Variants in CMSS1 observed in about 807,000 individuals in gnomAD.
CMSS1 encodes protein CMSS1.
In CMSS1, 33 loss-of-function variants were observed where a neutral mutation model predicts 43.5. The ratio of observed to expected loss-of-function variants is 0.76; its 90% CI spans 0.57 to 1.01. CMSS1 has a LOEUF of 1.01. CMSS1 is among the 50% of genes least tolerant of loss of function. The pLI is 0.00. For missense variants in CMSS1, 313 were observed against 326.4 expected (o/e 0.96, Z 0.32); for synonymous variants, 115 against 117.2 (o/e 0.98, Z 0.12).
chr3:100,029,937 C>T (rs574057938), intron 1 of CMSS1, among the ~76,000 whole-genome samples: 3 of 152,072 alleles, frequency 2.0e-5, no homozygotes, highest in Admixed American at 2.0e-4. Context: ...TTAGAAGCAG[C>T]CCAGGTGTGA....
At chr3:99,892,083 T>TA (rs1706100471) in intron 1 of CMSS1, among the ~76,000 whole-genome samples, 1 of 152,244 alleles carries the variant, frequency 6.6e-6, no homozygotes, top group Non-Finnish European at 1.5e-5. Flanking sequence ...GAGCTTCTGC[T>TA]ATGCTTTTAC....
chr3:99,885,838 A>G (rs1705877766), intron 1 of CMSS1, among the ~76,000 whole-genome samples: 1 of 152,172 alleles, frequency 6.6e-6, no homozygotes. Context: ...TACTACAACA[A>G]CAAGAAATGA....
intron 1 of CMSS1, among the ~76,000 whole-genome samples, chr3:99,929,679 A>G (rs1707413463): frequency 1.3e-5 from 2 of 152,186 alleles, no homozygotes; most frequent in Admixed American, 6.5e-5. Flanking sequence ...CATCCTGTCT[A>G]TGGTTCATTC....
At chr3:99,841,397 G>A (rs555791124) in intron 1 of CMSS1, among the ~76,000 whole-genome samples, 2 of 152,106 alleles carry the variant, frequency 1.3e-5, no homozygotes, top group African/African-American at 2.4e-5. Context: ...GCCTTTTGCC[G>A]GAACAGCAGA....
intron 1 of CMSS1, among the ~76,000 whole-genome samples, chr3:99,977,945 A>G (rs1709018608): frequency 6.6e-6 from 1 of 152,190 alleles, no homozygotes; most frequent in South Asian, 2.1e-4. Flanking sequence ...AAATAGAAAC[A>G]GGCCAAAATT....
intron 1 of CMSS1, among the ~76,000 whole-genome samples, chr3:99,876,867 G>GA (rs1001540466): frequency 6.6e-6 from 1 of 151,908 alleles, no homozygotes; most frequent in Non-Finnish European, 1.5e-5. Context: ...TTTTGGCAGG[G>GA]AAAAAATTTT....
At chr3:99,848,620 G>T in intron 1 of CMSS1, 1 of 1,614,162 alleles carries the variant, frequency 6.2e-7, no homozygotes, top group Non-Finnish European at 8.5e-7. Context: ...TGGTTCTGGG[G>T]AGCGTCCCTG....
Position 100,181,008 on chromosome 3 carries a change from AAG to A in CMSS1, c.*2625_*2626del, listed in dbSNP as rs1379952380. ...GGATGCAACCACATCTTGTGGCAACAAGAGAGCAAGAGAGTGAAGGGGGAAGT... is the reference window on the plus strand; with the variant it reads ...GGATGCAACCACATCTTGTGGCAACAAGAGCAAGAGAGTGAAGGGGGAAGT... On this transcript the variant is annotated 3_prime_UTR_variant, in exon 10 of 10. Transcript: ENST00000421999. 6.6e-6 allele frequency: 1 copy of A among 152,320 alleles called. No individual in the cohort carries two copies. Among genetic ancestry groups the A allele is most frequent in the Non-Finnish European group, 1.5e-5 (1 of 68,122 alleles). 9.4% of individuals were successfully genotyped at this position (152,320 alleles called of 1,614,324 possible). A position where few individuals can be genotyped will look rare whatever the true frequency, so the allele number is the denominator to read the frequency against.
chr3:100,088,965 A>C (rs1360137391), intron 1 of CMSS1, among the ~76,000 whole-genome samples: 1 of 152,136 alleles, frequency 6.6e-6, no homozygotes, highest in East Asian at 1.9e-4. Flanking sequence ...CACTGTTTGC[A>C]TGTACTTGAA....
At chr3:100,124,414 T>C (rs2066646627) in intron 1 of CMSS1, among the ~76,000 whole-genome samples, 2 of 152,236 alleles carry the variant, frequency 1.3e-5, no homozygotes, top group Admixed American at 6.5e-5. Context: ...CATCAGTGTT[T>C]CCCTTGTTTT....
At chr3:100,071,488 A>C (rs7620228) in intron 1 of CMSS1, among the ~76,000 whole-genome samples, 27,638 of 152,058 alleles carry the variant, frequency 0.18, 2,902 homozygotes, top group South Asian at 0.25. Flanking sequence ...CTGGATTTCA[A>C]AGCATTCACT....
intron 2 of CMSS1, among the ~76,000 whole-genome samples, chr3:100,149,711 C>T (rs1343065865): frequency 6.6e-6 from 1 of 152,170 alleles, no homozygotes; most frequent in Non-Finnish European, 1.5e-5. Flanking sequence ...AGGAGACTCA[C>T]CTCGAGGACA....
chr3:99,980,089 A>G (rs531673569), intron 1 of CMSS1, among the ~76,000 whole-genome samples: 2 of 152,302 alleles, frequency 1.3e-5, no homozygotes, highest in South Asian at 4.1e-4. Context: ...TGCCTTAGAA[A>G]TGATGAGAAG....
intron 1 of CMSS1, among the ~76,000 whole-genome samples, chr3:100,084,681 G>T (rs540885770): frequency 6.6e-6 from 1 of 152,150 alleles, no homozygotes; most frequent in Non-Finnish European, 1.5e-5. Flanking sequence ...TGTCACTTAC[G>T]TATAAACATG....
At chr3:99,846,465 A>T (rs932911453) in intron 1 of CMSS1, among the ~76,000 whole-genome samples, 1 of 152,244 alleles carries the variant, frequency 6.6e-6, no homozygotes, top group Admixed American at 6.5e-5. Flanking sequence ...TAAGTTTGCC[A>T]TTCCTTCTAG....
intron 1 of CMSS1, among the ~76,000 whole-genome samples, chr3:99,901,776 A>C (rs1212113899): frequency 6.6e-6 from 1 of 152,120 alleles, no homozygotes; most frequent in African/African-American, 2.4e-5. Context: ...TATCTTGTTG[A>C]TAAATAGCAC....
At chr3:100,064,654 A>T (rs925380879) in intron 1 of CMSS1, among the ~76,000 whole-genome samples, 2 of 152,120 alleles carry the variant, frequency 1.3e-5, no homozygotes, top group African/African-American at 4.8e-5. Context: ...ATGCTTACAG[A>T]CCTAATGGAA....
At chr3:99,908,305 G>C (rs114761991) in intron 1 of CMSS1, among the ~76,000 whole-genome samples, 1,765 of 152,316 alleles carry the variant, frequency 0.012, 19 homozygotes, top group African/African-American at 0.026. Context: ...ATTTTCTATT[G>C]AAGGCAGATG....
intron 1 of CMSS1, among the ~76,000 whole-genome samples, chr3:99,987,569 G>C (rs938598626): frequency 2.7e-5 from 4 of 149,186 alleles, no homozygotes; most frequent in African/African-American, 4.9e-5. Flanking sequence ...AAATATTTAA[G>C]TGCAAGAGAT....
Sources: allele counts gnomAD v4.1 joint callset (sites outside exome capture counted in the v4.1 genomes callset), GRCh38; gene constraint gnomAD v4.1.1; transcripts MANE v1.5; gene names NCBI Gene and HGNC (gene_info 2026-07-23, HGNC 2026-07-21).